Variants in CELF2 observed in about 807,000 individuals in gnomAD.
The protein encoded by CELF2 is CUG triplet repeat RNA-binding protein 2.
CELF2 carries 8 observed loss-of-function variants against 62.6 expected under a neutral mutation model. The ratio of observed to expected loss-of-function variants is 0.13; its 90% CI spans 0.07 to 0.23. The LOEUF (loss-of-function observed/expected upper bound fraction) is 0.23. Ranked by LOEUF, CELF2 falls within the 10% of genes least tolerant of loss-of-function variation. The probability of loss-of-function intolerance (pLI) is 1.00; values close to 1 mark genes in which losing one functional copy is unlikely to be tolerated. For synonymous variants in CELF2, 258 were observed against 250.0 expected, an observed-to-expected ratio of 1.03 and a Z score of -0.30; for missense variants, 333 against 671.0, an observed-to-expected ratio of 0.50 and a Z score of 5.56.
chr10:10,952,674 C>CA (rs370427448), intron 2 of CELF2, among the ~76,000 whole-genome samples: 2,428 of 101,944 alleles, frequency 0.024, 51 homozygotes, highest in Admixed American at 0.083. Context: ...TGAGATGGTC[C>CA]AAAAAAAAAA....
the CELF2 span, among the ~76,000 whole-genome samples, chr10:10,690,942 C>T: frequency 6.6e-6 from 1 of 152,100 alleles, no homozygotes; most frequent in Non-Finnish European, 1.5e-5. Flanking sequence ...ACTTATTTTT[C>T]TTACATTATC....
At chr10:11,082,806 A>G (rs190891464) in intron 1 of CELF2, among the ~76,000 whole-genome samples, 6 of 152,296 alleles carry the variant, frequency 3.9e-5, no homozygotes, top group Non-Finnish European at 5.9e-5. Flanking sequence ...GAAACAATCT[A>G]TTGACTTCAA....
At chr10:10,538,555 T>G in the CELF2 span, among the ~76,000 whole-genome samples, 1 of 152,320 alleles carries the variant, frequency 6.6e-6, no homozygotes, top group East Asian at 1.9e-4. Context: ...TAGAGTCTCC[T>G]GGTGTCAGCC....
At chr10:11,303,217 T>C (rs1207603288) in intron 9 of CELF2, among the ~76,000 whole-genome samples, 1 of 152,200 alleles carries the variant, frequency 6.6e-6, no homozygotes, top group Non-Finnish European at 1.5e-5. Context: ...CCTAAGACTG[T>C]TTCTTGCCTT....
chr10:10,819,027 A>G (rs564899037), intron 1 of CELF2, among the ~76,000 whole-genome samples: 9 of 152,326 alleles, frequency 5.9e-5, no homozygotes, highest in African/African-American at 2.2e-4. Flanking sequence ...TGGCACAGAC[A>G]TGGGATGAGC....
chr10:10,666,861 CAAAAAAAAAAA>C, the CELF2 span, among the ~76,000 whole-genome samples: 1 of 25,228 alleles, frequency 4.0e-5, no homozygotes, highest in Non-Finnish European at 7.2e-5. Flanking sequence ...GACTCCGTCT[CAAAAAAAAAAA>C]AAAAAAAGAA....
At chr10:11,136,694 A>T (rs1016891631) in intron 1 of CELF2, among the ~76,000 whole-genome samples, 11 of 152,208 alleles carry the variant, frequency 7.2e-5, no homozygotes, top group African/African-American at 2.7e-4. Context: ...CTAAGTGAGT[A>T]AGGCTAACAA....
At chr10:10,676,508 T>G in the CELF2 span, among the ~76,000 whole-genome samples, 4 of 152,320 alleles carry the variant, frequency 2.6e-5, no homozygotes, top group East Asian at 5.8e-4. Context: ...CCAAGAGATT[T>G]TTCTCTTACA....
At chr10:10,517,397 GGAAAGGAAAACACA>G in the CELF2 span, among the ~76,000 whole-genome samples, 1 of 152,134 alleles carries the variant, frequency 6.6e-6, no homozygotes, top group African/African-American at 2.4e-5. Flanking sequence ...TTACAAGGGA[GGAAAGGAAAACACA>G]GAAAGGAAAA....
chr10:11,252,731 G>GT (rs2077515083), intron 4 of CELF2, among the ~76,000 whole-genome samples: 1 of 152,152 alleles, frequency 6.6e-6, no homozygotes, highest in Non-Finnish European at 1.5e-5. Flanking sequence ...GCGGCATCGT[G>GT]TTTTCCATCC....
At chr10:11,312,729 A>G (rs1221596765) in intron 9 of CELF2, among the ~76,000 whole-genome samples, 1 of 152,176 alleles carries the variant, frequency 6.6e-6, no homozygotes, top group African/African-American at 2.4e-5. Context: ...AGGTCAACAG[A>G]TTGAGGCCAT....
At chr10:10,774,038 G>T in the CELF2 span, among the ~76,000 whole-genome samples, 1 of 152,124 alleles carries the variant, frequency 6.6e-6, no homozygotes, top group African/African-American at 2.4e-5. Context: ...GAGAGAAAAG[G>T]CCAAGATTGT....
intron 8 of CELF2, among the ~76,000 whole-genome samples, chr10:11,284,573 A>T (rs988518369): frequency 7.4e-6 from 1 of 135,242 alleles, no homozygotes; most frequent in African/African-American, 2.7e-5. Flanking sequence ...GGGTGGGTGG[A>T]TGATGGATGG....
At chr10:10,644,757 C>A in the CELF2 span, among the ~76,000 whole-genome samples, 1,326 of 152,268 alleles carry the variant, frequency 8.7e-3, 76 homozygotes, top group Admixed American at 0.076. Flanking sequence ...TATCTCCCCC[C>A]ACGTCCTGGG....
intron 2 of CELF2, among the ~76,000 whole-genome samples, chr10:10,920,736 G>A (rs2064815514): frequency 1.4e-5 from 2 of 145,206 alleles, no homozygotes; most frequent in African/African-American, 5.1e-5. Context: ...GAAAGGAGAA[G>A]AGATGGGGGT....
Position 10,911,202 on chromosome 10 carries a change from T to G in CELF2, c.54-8762T>G, listed in dbSNP as rs145245475. Among the ~76,000 whole-genome samples, 1,137 of 152,320 alleles carry G rather than the reference T, an allele frequency of 7.5e-3. 5 individuals are homozygous for G. The highest frequency in any genetic ancestry group is 0.012 in the Non-Finnish European group (788 of 68,028). ...AGGGACACCAGTGCCATTTGCACAC[T>G]GGCTTCCCTTACAGATGCCAGCCAG... On this transcript the variant is annotated intron_variant, in intron 1 of 13. Coordinates refer to the CELF2 transcript ENST00000636488.
the CELF2 span, among the ~76,000 whole-genome samples, chr10:10,643,237 A>C: frequency 6.6e-6 from 1 of 152,000 alleles, no homozygotes; most frequent in Non-Finnish European, 1.5e-5. Flanking sequence ...CCCCACCCAA[A>C]TCTCATCTTG....
rs2059201010 is a variant in CELF2, at chr10:10,849,000, CCTT to C, written c.53+50189_53+50191del. ...CTCTCACTATCCTGGACTCCCCCGT[CCTT>C]CTTCTGAAATTGCAAGCTTCTTAAT... On this transcript the variant is annotated intron_variant, in intron 1 of 13. Transcript: ENST00000636488. Among the ~76,000 whole-genome samples, 3 of 152,242 alleles carry C rather than the reference CCTT, an allele frequency of 2.0e-5. No individual in the cohort carries two copies. In the East Asian group the frequency reaches 5.8e-4, roughly 29 times the overall value.
chr10:10,473,145 A>G, the CELF2 span, among the ~76,000 whole-genome samples: 2 of 152,040 alleles, frequency 1.3e-5, no homozygotes, highest in Non-Finnish European at 2.9e-5. Context: ...TTGCTGATGC[A>G]GTTAGTTAAG....
Sources: gnomAD v4.1 joint callset for allele counts (sites outside exome capture counted in the v4.1 genomes callset) on GRCh38, gnomAD v4.1.1 for gene constraint, MANE v1.5 for transcripts, NCBI Gene and HGNC (gene_info 2026-07-23, HGNC 2026-07-21) for gene names.